Variants in NRXN3 observed in about 807,000 individuals in gnomAD.
NRXN3 encodes neurexin 3.
Under a neutral mutation model 137.6 loss-of-function variants are expected in NRXN3, and 32 were observed. The observed-to-expected ratio is 0.23, with a 90% confidence interval of 0.18 to 0.31. The LOEUF (loss-of-function observed/expected upper bound fraction) is 0.31, where lower values mean the gene tolerates loss of function less well. NRXN3 is among the 10% of genes least tolerant of loss of function. The pLI is 1.00. For synonymous variants in NRXN3, 798 were observed against 784.5 expected (o/e 1.02, Z -0.29); for missense variants, 1,574 against 2,062.5 (o/e 0.76, Z 4.59).
intron 16 of NRXN3, among the ~76,000 whole-genome samples, chr14:79,659,092 G>A (rs749130179): frequency 9.2e-5 from 14 of 152,268 alleles, no homozygotes; most frequent in Non-Finnish European, 1.5e-4. Flanking sequence ...GGCAGCTGAA[G>A]CTGGACTAAT....
intron 15 of NRXN3, among the ~76,000 whole-genome samples, chr14:79,456,025 A>G (rs2096252782): frequency 6.6e-6 from 1 of 152,006 alleles, no homozygotes; most frequent in Admixed American, 6.6e-5. Flanking sequence ...ATATGACTTG[A>G]TATATAAAGC....
At chr14:79,716,172 T>G (rs1466949838) in intron 19 of NRXN3, among the ~76,000 whole-genome samples, 1 of 152,204 alleles carries the variant, frequency 6.6e-6, no homozygotes, top group East Asian at 1.9e-4. Context: ...GAACCCTACC[T>G]CTGTGCTATG....
chr14:79,732,239 C>A (rs1409644719), intron 19 of NRXN3, among the ~76,000 whole-genome samples: 2 of 152,054 alleles, frequency 1.3e-5, no homozygotes, highest in Admixed American at 1.3e-4. Flanking sequence ...TTCTCAGGAT[C>A]CCACTGTATG....
intron 15 of NRXN3, among the ~76,000 whole-genome samples, chr14:79,131,139 C>T (rs1568379344): frequency 1.3e-5 from 2 of 152,232 alleles, no homozygotes; most frequent in Non-Finnish European, 2.9e-5. Flanking sequence ...TCCCGTAGCT[C>T]AGAGTAATTT....
At chr14:79,415,600 A>G (rs2095485374) in intron 15 of NRXN3, among the ~76,000 whole-genome samples, 1 of 152,168 alleles carries the variant, frequency 6.6e-6, no homozygotes, top group South Asian at 2.1e-4. Flanking sequence ...TTGCTGGATC[A>G]TATAAAGTTA....
chr14:79,174,782 A>G (rs1040430367), intron 15 of NRXN3, among the ~76,000 whole-genome samples: 2 of 152,042 alleles, frequency 1.3e-5, no homozygotes, highest in South Asian at 2.1e-4. Context: ...GATGACTTAG[A>G]AATATTTCCA....
At chr14:79,015,238 C>T (rs1364331814) in intron 15 of NRXN3, among the ~76,000 whole-genome samples, 2 of 152,128 alleles carry the variant, frequency 1.3e-5, no homozygotes, top group African/African-American at 4.8e-5. Flanking sequence ...GGTTTGTTTA[C>T]CTCTACAATT....
chr14:79,134,402 T>G (rs934769709), intron 15 of NRXN3, among the ~76,000 whole-genome samples: 1 of 152,246 alleles, frequency 6.6e-6, no homozygotes, highest in Non-Finnish European at 1.5e-5. Flanking sequence ...AGAGACTATC[T>G]TCTAAATATA....
intron 17 of NRXN3, among the ~76,000 whole-genome samples, chr14:79,681,538 A>C (rs2098670386): frequency 6.6e-6 from 1 of 152,000 alleles, no homozygotes; most frequent in Non-Finnish European, 1.5e-5. Flanking sequence ...TGGCAATCTC[A>C]GGTGTAGGCA....
chr14:78,524,420 A>G (rs976411039), intron 4 of NRXN3, among the ~76,000 whole-genome samples: 1 of 152,220 alleles, frequency 6.6e-6, no homozygotes, highest in Admixed American at 6.5e-5. Flanking sequence ...TTCCAAAGGG[A>G]CTATCTGAGA....
At chr14:78,996,045 C>T (rs531670240) in intron 15 of NRXN3, among the ~76,000 whole-genome samples, 5 of 152,146 alleles carry the variant, frequency 3.3e-5, no homozygotes, top group African/African-American at 1.2e-4. Flanking sequence ...AAATGTTTCT[C>T]GGGTGGGCCT....
rs529611075 is a variant in NRXN3 at position 78,243,445 on chromosome 14, C to T, written c.352C>T (p.Arg118Cys). Residue 118 changes from arginine (R) to cysteine (C), a missense_variant, in exon 2 of 21, where the codon CGC (arginine) becomes TGC (cysteine). Arg to Cys is a radical substitution (Grantham distance 180). Coordinates refer to ENST00000335750, the MANE Select transcript of NRXN3 (RefSeq NM_001330195.2). This position sits in a 1 kb window ranked among gnomAD's most constrained non-coding sequence, Gnocchi z 4.2. ...SWHFLMVSRD[R>C]LRTVLMLDGE... ...GCACTTCCTCATGGTGAGCCGTGAC[C>T]GCCTGCGCACGGTGCTGATGCTTGA... is the stretch of plus-strand genomic sequence containing the variant. 3.2e-5 allele frequency: 51 copies of T among 1,573,394 alleles called. No individual in the cohort carries two copies. Among genetic ancestry groups the T allele is most frequent in the Admixed American group, 2.0e-4 (11 of 55,856 alleles).
Position 78,965,547 on chromosome 14 carries a change from T to C in NRXN3, c.2396-478T>C, listed in dbSNP as rs545338974. On this transcript the variant is annotated intron_variant, in intron 11 of 20. Coordinates refer to ENST00000335750, the MANE Select transcript of NRXN3 (RefSeq NM_001330195.2). ...GTGTTATTATAAGATAAAGTAACAGTTGCTGGGCAGGTAAACTCAACTGAT... is the reference window on the plus strand; with the variant it reads ...GTGTTATTATAAGATAAAGTAACAGCTGCTGGGCAGGTAAACTCAACTGAT... 4.1e-4 allele frequency among the ~76,000 whole-genome samples: 63 copies of C among 152,288 alleles called. No homozygotes were observed. The South Asian group carries it at 0.013, about 31-fold the overall frequency.
intron 16 of NRXN3, among the ~76,000 whole-genome samples, chr14:79,569,623 G>A (rs1602252440): frequency 6.8e-6 from 1 of 147,308 alleles, no homozygotes; most frequent in South Asian, 2.3e-4. Context: ...GTGTGTGTGT[G>A]TGTGTGTGAG....
chr14:79,689,977 C>A (rs2098710186), intron 17 of NRXN3, among the ~76,000 whole-genome samples: 1 of 152,172 alleles, frequency 6.6e-6, no homozygotes, highest in Non-Finnish European at 1.5e-5. Context: ...CTACACCAAT[C>A]TATTCCGTAG....
At chr14:78,652,747 G>A (rs1346396146) in intron 6 of NRXN3, among the ~76,000 whole-genome samples, 5 of 152,240 alleles carry the variant, frequency 3.3e-5, no homozygotes, top group African/African-American at 1.2e-4. Context: ...GCACATAGTA[G>A]ATGCATAATA....
intron 11 of NRXN3, among the ~76,000 whole-genome samples, chr14:78,960,575 G>A (rs2099406170): frequency 6.6e-6 from 1 of 152,182 alleles, no homozygotes; most frequent in African/African-American, 2.4e-5. Flanking sequence ...AAAGCATTAA[G>A]TTCGGGTGAC....
At chr14:79,567,051 T>C (rs1271137224) in intron 16 of NRXN3, among the ~76,000 whole-genome samples, 1 of 152,142 alleles carries the variant, frequency 6.6e-6, no homozygotes, top group African/African-American at 2.4e-5. Context: ...TGCATATCAT[T>C]AGCTTGTCAG....
At chr14:79,471,996 C>T (rs1243046860) in intron 16 of NRXN3, among the ~76,000 whole-genome samples, 2 of 152,014 alleles carry the variant, frequency 1.3e-5, no homozygotes, top group Non-Finnish European at 2.9e-5. Context: ...CTCCTCCCAC[C>T]CTCCACCCTC....
Sources: gnomAD v4.1 joint callset for allele counts (sites outside exome capture counted in the v4.1 genomes callset) on GRCh38, gnomAD v4.1.1 for gene constraint, Gnocchi (gnomAD v3.1) non-coding constraint, MANE v1.5 for transcripts, NCBI Gene and HGNC (gene_info 2026-07-23, HGNC 2026-07-21) for gene names.